The following PTPRD variants were observed in gnomAD, a reference collection of about 807,000 sequenced individuals.
The protein encoded by PTPRD is protein tyrosine phosphatase receptor type D.
A neutral mutation model predicts 214.5 loss-of-function variants in PTPRD; 34 were observed. The observed-to-expected ratio is 0.16, with a 90% CI of 0.12 to 0.21. The LOEUF is 0.21. Ranked by LOEUF, PTPRD falls within the 10% of genes least tolerant of loss-of-function variation. The pLI, the probability that PTPRD is intolerant of heterozygous loss-of-function variation, is 1.00. For missense variants in PTPRD, 2,545 were observed against 2,398.7 expected (o/e 1.06, Z -1.27); for synonymous variants, 1,128 against 845.7 (o/e 1.33, Z -5.79).
intron 5 of PTPRD, among the ~76,000 whole-genome samples, chr9:9,777,422 T>C (rs1357406794): frequency 6.6e-6 from 1 of 152,004 alleles, no homozygotes; most frequent in Non-Finnish European, 1.5e-5. Flanking sequence ...CAGCTAGGTG[T>C]GGTGGCTAAT....
intron 7 of PTPRD, among the ~76,000 whole-genome samples, chr9:9,615,059 T>C (rs1593090863): frequency 6.6e-6 from 1 of 151,896 alleles, no homozygotes; most frequent in East Asian, 1.9e-4. Flanking sequence ...GCAACGTGGG[T>C]GTAAGAATAT....
chr9:8,794,743 C>T (rs1310674401), intron 11 of PTPRD, among the ~76,000 whole-genome samples: 1 of 151,798 alleles, frequency 6.6e-6, no homozygotes, highest in Non-Finnish European at 1.5e-5. Flanking sequence ...CACTGACTTG[C>T]CTCAGAGGAA....
chr9:10,395,954 TGAGAGAGAGA>T (rs368100918), intron 2 of PTPRD, among the ~76,000 whole-genome samples: 44 of 134,378 alleles, frequency 3.3e-4, no homozygotes, highest in Admixed American at 1.4e-3. Flanking sequence ...ATAGAGAGAA[TGAGAGAGAGA>T]GAGAGAGAGA....
chr9:9,331,183 C>T (rs1243524341), intron 9 of PTPRD, among the ~76,000 whole-genome samples: 1 of 152,072 alleles, frequency 6.6e-6, no homozygotes, highest in African/African-American at 2.4e-5. Flanking sequence ...CTGTTCTCTT[C>T]TCTCCAAAAC....
chr9:9,396,240 C>T (rs1223230125), intron 9 of PTPRD, among the ~76,000 whole-genome samples: 2 of 151,846 alleles, frequency 1.3e-5, no homozygotes, highest in Non-Finnish European at 2.9e-5. Flanking sequence ...GATTGAAGTC[C>T]CTTGGGGAGC....
intron 11 of PTPRD, among the ~76,000 whole-genome samples, chr9:8,831,445 T>C (rs1371482580): frequency 6.6e-6 from 1 of 152,162 alleles, no homozygotes; most frequent in Non-Finnish European, 1.5e-5. Flanking sequence ...CTACATACAA[T>C]TAAATACATT....
At chr9:10,531,446 A>T (rs1274816648) in intron 2 of PTPRD, among the ~76,000 whole-genome samples, 1 of 152,218 alleles carries the variant, frequency 6.6e-6, no homozygotes, top group African/African-American at 2.4e-5. Context: ...TCACTGACAC[A>T]TTAAAATAGA....
intron 10 of PTPRD, among the ~76,000 whole-genome samples, chr9:9,084,305 G>A (rs1294922546): frequency 1.3e-5 from 2 of 152,106 alleles, no homozygotes; most frequent in Non-Finnish European, 2.9e-5. Context: ...TACAGGAACA[G>A]AAAACCAAAC....
At chr9:8,563,996 G>A (rs930616778) in intron 14 of PTPRD, among the ~76,000 whole-genome samples, 13 of 152,144 alleles carry the variant, frequency 8.5e-5, no homozygotes, top group Non-Finnish European at 1.9e-4. Context: ...TTTAGACGGT[G>A]CGAAAGCAAT....
At chr9:10,140,405 G>C (rs2154266438) in intron 3 of PTPRD, among the ~76,000 whole-genome samples, 1 of 151,872 alleles carries the variant, frequency 6.6e-6, no homozygotes, top group Non-Finnish European at 1.5e-5. Context: ...AACAAAAAAT[G>C]ATAAAGGGGA....
chr9:9,076,990 G>C (rs1318253793), intron 10 of PTPRD, among the ~76,000 whole-genome samples: 1 of 151,836 alleles, frequency 6.6e-6, no homozygotes, highest in Non-Finnish European at 1.5e-5. Context: ...TTGAATAAAA[G>C]CCATTTTAAC....
At chr9:10,195,763 G>A (rs899611409) in intron 3 of PTPRD, among the ~76,000 whole-genome samples, 26 of 152,236 alleles carry the variant, frequency 1.7e-4, no homozygotes, top group Admixed American at 1.4e-3. Context: ...AGGAGATGAA[G>A]CCTGAAATAA....
At chr9:9,670,352 T>A (rs1430089023) in intron 7 of PTPRD, among the ~76,000 whole-genome samples, 3 of 152,108 alleles carry the variant, frequency 2.0e-5, no homozygotes, top group South Asian at 4.1e-4. Flanking sequence ...TAAAGGCTTT[T>A]AGTTTTGTAA....
chr9:10,424,479 G>C (rs2098593804), intron 2 of PTPRD, among the ~76,000 whole-genome samples: 1 of 151,718 alleles, frequency 6.6e-6, no homozygotes, highest in South Asian at 2.1e-4. Flanking sequence ...TGAAAAGGAG[G>C]GATTGAAAAC....
At chr9:9,897,342 A>G (rs2075280120) in intron 5 of PTPRD, among the ~76,000 whole-genome samples, 1 of 152,096 alleles carries the variant, frequency 6.6e-6, no homozygotes. Context: ...TAAAGACAGT[A>G]TTATGAACCT....
intron 8 of PTPRD, among the ~76,000 whole-genome samples, chr9:9,449,633 G>T (rs1200946270): frequency 6.6e-6 from 1 of 151,938 alleles, no homozygotes; most frequent in East Asian, 1.9e-4. Context: ...TAAGCAGGGG[G>T]ATTCCACATT....
chr9:9,957,496 G>T (rs1410667161), intron 4 of PTPRD, among the ~76,000 whole-genome samples: 4 of 152,032 alleles, frequency 2.6e-5, no homozygotes, highest in Non-Finnish European at 5.9e-5. Context: ...AATATCCGAT[G>T]ATTTAAAAAT....
At chr9:10,182,950 C>G (rs1458671625) in intron 3 of PTPRD, among the ~76,000 whole-genome samples, 1 of 152,092 alleles carries the variant, frequency 6.6e-6, no homozygotes, top group Non-Finnish European at 1.5e-5. Flanking sequence ...TTACTTGGCT[C>G]ATTTAATGTA....
At chr9:9,409,248 C>T (rs1240776672) in intron 8 of PTPRD, among the ~76,000 whole-genome samples, 1 of 152,010 alleles carries the variant, frequency 6.6e-6, no homozygotes, top group Non-Finnish European at 1.5e-5. Flanking sequence ...TGCCACTCCT[C>T]TTGCATATAT....
Sources: gnomAD v4.1 joint callset for allele counts (sites outside exome capture counted in the v4.1 genomes callset) on GRCh38, gnomAD v4.1.1 for gene constraint, MANE v1.5 for transcripts, NCBI Gene and HGNC (gene_info 2026-07-23, HGNC 2026-07-21) for gene names.